Variants in FBXW7 observed in about 807,000 individuals in gnomAD.
FBXW7 encodes F-box and WD repeat domain containing 7.
A neutral mutation model predicts 86.3 loss-of-function variants in FBXW7; 11 were observed. The ratio of observed to expected loss-of-function variants is 0.13; its 90% CI spans 0.08 to 0.21. The LOEUF (loss-of-function observed/expected upper bound fraction) is 0.21. Ranked by LOEUF, FBXW7 falls within the 10% of genes least tolerant of loss-of-function variation. The pLI is 1.00. For synonymous variants in FBXW7, 313 were observed against 297.9 expected, an observed-to-expected ratio of 1.05 and a Z score of -0.52; for missense variants, 488 against 847.4, an observed-to-expected ratio of 0.58 and a Z score of 5.27.
chr4:152,338,029 T>A (rs2126587924), intron 6 of FBXW7, 93 bp from the exon 7 acceptor site: 1 of 1,326,546 alleles, frequency 7.5e-7, no homozygotes, highest in East Asian at 2.4e-5. Context: ...ACAACCATAG[T>A]TGATCAGGGT....
intron 2 of FBXW7, among the ~76,000 whole-genome samples, chr4:152,515,290 T>C (rs1437882918): frequency 1.3e-5 from 2 of 152,162 alleles, no homozygotes; most frequent in Non-Finnish European, 2.9e-5. Context: ...AACTAATTTG[T>C]AGTAATAAAA....
chr4:152,505,913 G>A (rs544128606), intron 2 of FBXW7, among the ~76,000 whole-genome samples: 32 of 150,820 alleles, frequency 2.1e-4, no homozygotes, highest in Non-Finnish European at 3.7e-4. Context: ...GCTAATTTTT[G>A]TATTTTTAGT....
chr4:152,438,090 C>T (rs1354323288), intron 2 of FBXW7, among the ~76,000 whole-genome samples: 1 of 152,046 alleles, frequency 6.6e-6, no homozygotes, highest in Non-Finnish European at 1.5e-5. Context: ...AAGAGAATCG[C>T]TTGAACCTGA....
At chr4:152,493,268 G>A (rs1579345778) in intron 2 of FBXW7, among the ~76,000 whole-genome samples, 1 of 151,908 alleles carries the variant, frequency 6.6e-6, no homozygotes, top group Non-Finnish European at 1.5e-5. Flanking sequence ...AGGTTCAAGC[G>A]ATTCTCGTGC....
At chr4:152,494,238 G>A (rs1216444504) in intron 2 of FBXW7, among the ~76,000 whole-genome samples, 1 of 152,134 alleles carries the variant, frequency 6.6e-6, no homozygotes, top group Non-Finnish European at 1.5e-5. Context: ...ACATTAAGAA[G>A]AAAGAAAATA....
intron 2 of FBXW7, among the ~76,000 whole-genome samples, chr4:152,465,543 T>C (rs1743326286): frequency 6.6e-6 from 1 of 152,032 alleles, no homozygotes; most frequent in Non-Finnish European, 1.5e-5. Flanking sequence ...TATCAATGTA[T>C]AGAACAATAT....
chr4:152,436,879 T>C (rs1040758235), intron 2 of FBXW7, among the ~76,000 whole-genome samples: 10 of 152,310 alleles, frequency 6.6e-5, no homozygotes, highest in East Asian at 3.9e-4. Context: ...GAAAGATTCC[T>C]TTCAAATATT....
chr4:152,444,772 C>T (rs1306669345), intron 2 of FBXW7, among the ~76,000 whole-genome samples: 1 of 152,084 alleles, frequency 6.6e-6, no homozygotes, highest in East Asian at 1.9e-4. Flanking sequence ...TTCAATGTGC[C>T]CTGATGTAAA....
At chr4:152,515,668 C>CA (rs887950359) in intron 2 of FBXW7, among the ~76,000 whole-genome samples, 3 of 147,070 alleles carry the variant, frequency 2.0e-5, no homozygotes, top group African/African-American at 7.5e-5. Flanking sequence ...AAGTTGTTTA[C>CA]AAAAAAGAAC....
At chr4:152,447,043 T>C (rs988421410) in intron 2 of FBXW7, among the ~76,000 whole-genome samples, 3 of 152,306 alleles carry the variant, frequency 2.0e-5, no homozygotes, top group African/African-American at 4.8e-5. Context: ...ATGTTTAAAG[T>C]ATCTGAATTA....
At chr4:152,421,237 T>C (rs960328880) in intron 2 of FBXW7, among the ~76,000 whole-genome samples, 2 of 152,220 alleles carry the variant, frequency 1.3e-5, no homozygotes, top group Non-Finnish European at 2.9e-5. Context: ...TTACCCTTCA[T>C]AGAATTGAAG....
chr4:152,434,570 A>C (rs1465050806), intron 2 of FBXW7, among the ~76,000 whole-genome samples: 1 of 152,110 alleles, frequency 6.6e-6, no homozygotes, highest in Non-Finnish European at 1.5e-5. Context: ...ATGTTCCACC[A>C]CTATTTACTG....
intron 2 of FBXW7, among the ~76,000 whole-genome samples, chr4:152,506,838 T>C (rs1249924863): frequency 2.0e-5 from 3 of 152,246 alleles, no homozygotes; most frequent in Non-Finnish European, 4.4e-5. Flanking sequence ...AGGCTGATAC[T>C]ATACTAGCAG....
Position 152,486,972 on chromosome 4 carries a change from T to C in FBXW7, c.-120+47969A>G, listed in dbSNP as rs566114506. Among the ~76,000 whole-genome samples, 4 of 152,286 alleles carry C rather than the reference T, an allele frequency of 2.6e-5. No homozygotes were observed. In the East Asian group the frequency reaches 5.8e-4, roughly 22 times the overall value. Reference sequence around the variant, plus strand: ...CGATAGAAATTTTTCAGCTCCATTATAATCTCATGGGATCAATGTCGTATA... The same window carrying C: ...CGATAGAAATTTTTCAGCTCCATTACAATCTCATGGGATCAATGTCGTATA... On this transcript the variant is annotated intron_variant, in intron 2 of 13. Transcript: ENST00000281708.
At chr4:152,419,152 CAATT>C (rs1011751648) in intron 2 of FBXW7, among the ~76,000 whole-genome samples, 2 of 151,950 alleles carry the variant, frequency 1.3e-5, no homozygotes, top group African/African-American at 4.8e-5. Flanking sequence ...TCAACACTGT[CAATT>C]AATTTTCATT....
chr4:152,462,936 T>A (rs901473970), intron 2 of FBXW7, among the ~76,000 whole-genome samples: 3 of 149,544 alleles, frequency 2.0e-5, no homozygotes, highest in African/African-American at 5.0e-5. Flanking sequence ...TTTTTTTTTT[T>A]AATCTCACAT....
At chr4:152,327,500 G>A (rs1303720318) in intron 11 of FBXW7, among the ~76,000 whole-genome samples, 1 of 152,002 alleles carries the variant, frequency 6.6e-6, no homozygotes, top group African/African-American at 2.4e-5. Context: ...GATTTTAATA[G>A]GAGGGCTTTA....
At chr4:152,340,811 G>C (rs759627257) in intron 6 of FBXW7, among the ~76,000 whole-genome samples, 32 of 151,860 alleles carry the variant, frequency 2.1e-4, no homozygotes, top group Non-Finnish European at 3.8e-4. Flanking sequence ...TCTATTTTTG[G>C]ATATGTAATT....
At chr4:152,438,260 G>A (rs1482501382) in intron 2 of FBXW7, among the ~76,000 whole-genome samples, 4 of 152,192 alleles carry the variant, frequency 2.6e-5, no homozygotes, top group Non-Finnish European at 5.9e-5. Context: ...AGGCTACAAT[G>A]CCATGTAAAT....
Sources: gnomAD v4.1 joint callset for allele counts (sites outside exome capture counted in the v4.1 genomes callset) on GRCh38, gnomAD v4.1.1 for gene constraint, MANE v1.5 for transcripts, NCBI Gene and HGNC (gene_info 2026-07-23, HGNC 2026-07-21) for gene names.